The following PTPRD variants were observed in gnomAD, a reference collection of about 807,000 sequenced individuals.
PTPRD encodes receptor-type tyrosine-protein phosphatase delta.
In PTPRD, 34 loss-of-function variants were observed where a neutral mutation model predicts 214.5. The observed-to-expected ratio is 0.16, with a 90% CI of 0.12 to 0.21. The LOEUF (loss-of-function observed/expected upper bound fraction) is 0.21. PTPRD is among the 10% of genes least tolerant of loss of function. The pLI, the probability that PTPRD is intolerant of heterozygous loss-of-function variation, is 1.00. For missense variants in PTPRD, 2,545 were observed against 2,398.7 expected, an observed-to-expected ratio of 1.06 and a Z score of -1.27; for synonymous variants, 1,128 against 845.7, an observed-to-expected ratio of 1.33 and a Z score of -5.79.
intron 5 of PTPRD, among the ~76,000 whole-genome samples, chr9:9,837,181 G>C (rs1285353635): frequency 6.6e-6 from 1 of 152,042 alleles, no homozygotes; most frequent in African/African-American, 2.4e-5. Flanking sequence ...TTTCAATGTA[G>C]CTCCCAGTTT....
chr9:9,135,315 T>G (rs2099849166), intron 10 of PTPRD, among the ~76,000 whole-genome samples: 1 of 152,226 alleles, frequency 6.6e-6, no homozygotes, highest in African/African-American at 2.4e-5. Context: ...TCTCTTGATT[T>G]ATCACTTCCT....
chr9:9,481,307 T>C (rs1193501408), intron 8 of PTPRD, among the ~76,000 whole-genome samples: 1 of 152,200 alleles, frequency 6.6e-6, no homozygotes, highest in African/African-American at 2.4e-5. Flanking sequence ...CTCACAATCA[T>C]CACTGTGTTT....
chr9:9,755,887 A>G (rs1408723983), intron 6 of PTPRD, among the ~76,000 whole-genome samples: 1 of 152,032 alleles, frequency 6.6e-6, no homozygotes, highest in East Asian at 1.9e-4. Flanking sequence ...ATATAATTTT[A>G]TATTTTAAAA....
intron 5 of PTPRD, among the ~76,000 whole-genome samples, chr9:9,800,044 T>TA (rs765494368): frequency 4.5e-4 from 69 of 152,226 alleles, no homozygotes; most frequent in Non-Finnish European, 7.4e-4. Flanking sequence ...AAAGAAAAAA[T>TA]AATAATAAAA....
At chr9:9,776,338 C>T (rs1231322673) in intron 5 of PTPRD, among the ~76,000 whole-genome samples, 2 of 152,104 alleles carry the variant, frequency 1.3e-5, no homozygotes, top group East Asian at 3.9e-4. Flanking sequence ...GTTGTATGTT[C>T]CTAATTCCTC....
intron 11 of PTPRD, among the ~76,000 whole-genome samples, chr9:8,799,300 T>C (rs1259853206): frequency 6.6e-6 from 1 of 152,132 alleles, no homozygotes; most frequent in Admixed American, 6.6e-5. Flanking sequence ...TGCTAGAAAG[T>C]GTTTCAGTTT....
intron 11 of PTPRD, among the ~76,000 whole-genome samples, chr9:8,908,736 G>A (rs1281295274): frequency 1.3e-5 from 2 of 151,420 alleles, no homozygotes; most frequent in East Asian, 3.9e-4. Context: ...AAAGTAAATT[G>A]TAAAGATCAG....
intron 2 of PTPRD, among the ~76,000 whole-genome samples, chr9:10,396,351 C>T (rs544991441): frequency 3.3e-5 from 5 of 152,028 alleles, no homozygotes; most frequent in East Asian, 2.0e-4. Flanking sequence ...AGGTAGCCTG[C>T]GGGAGCTGGC....
At chr9:8,421,976 C>T (rs1458733267) in intron 35 of PTPRD, among the ~76,000 whole-genome samples, 10 of 151,146 alleles carry the variant, frequency 6.6e-5, no homozygotes, top group African/African-American at 2.2e-4. Flanking sequence ...GGCGAAACCT[C>T]ATCTCTACAA....
chr9:8,441,001 A>T (rs2095528900), intron 34 of PTPRD, among the ~76,000 whole-genome samples: 1 of 152,100 alleles, frequency 6.6e-6, no homozygotes, highest in Non-Finnish European at 1.5e-5. Context: ...CTATTCCGAG[A>T]ACGGCATTTG....
chr9:10,238,605 T>C (rs2099636831), intron 3 of PTPRD, among the ~76,000 whole-genome samples: 1 of 151,938 alleles, frequency 6.6e-6, no homozygotes, highest in Admixed American at 6.6e-5. Flanking sequence ...TTTCCTTAAA[T>C]GTATACAATT....
chr9:9,422,628 G>A (rs2079231318), intron 8 of PTPRD, among the ~76,000 whole-genome samples: 1 of 152,106 alleles, frequency 6.6e-6, no homozygotes, highest in African/African-American at 2.4e-5. Flanking sequence ...AGACAGTGAT[G>A]TCAGATAGAC....
chr9:9,550,511 ATATTATGTATAG>A (rs1305920661), intron 8 of PTPRD, among the ~76,000 whole-genome samples: 2 of 148,552 alleles, frequency 1.3e-5, no homozygotes, highest in Admixed American at 6.8e-5. Flanking sequence ...GTAGGACAAT[ATATTATGTATAG>A]TATTATGTAT....
chr9:9,563,753 G>A (rs961058730), intron 8 of PTPRD, among the ~76,000 whole-genome samples: 1 of 152,116 alleles, frequency 6.6e-6, no homozygotes, highest in African/African-American at 2.4e-5. Context: ...GTTTGAAAGA[G>A]ATCATTAATA....
At chr9:8,441,683 A>C (rs1336878499) in intron 34 of PTPRD, among the ~76,000 whole-genome samples, 1 of 152,136 alleles carries the variant, frequency 6.6e-6, no homozygotes, top group Admixed American at 6.5e-5. Context: ...GATATAAAGA[A>C]GTATGCTTCT....
intron 5 of PTPRD, among the ~76,000 whole-genome samples, chr9:9,918,965 A>G (rs1338675181): frequency 6.6e-6 from 1 of 152,114 alleles, no homozygotes; most frequent in Non-Finnish European, 1.5e-5. Context: ...CAGATCAATG[A>G]ATGCCATTAT....
chr9:9,815,029 T>C (rs2048333352), intron 5 of PTPRD, among the ~76,000 whole-genome samples: 1 of 152,014 alleles, frequency 6.6e-6, no homozygotes, highest in Non-Finnish European at 1.5e-5. Context: ...CCCAAAGTGT[T>C]CGTAAAGCCT....
chr9:8,341,610 G>A (rs940115171), intron 40 of PTPRD, 83 bp downstream of exon 40: 6 of 1,471,462 alleles, frequency 4.1e-6, no homozygotes, highest in South Asian at 1.3e-5. Flanking sequence ...TCACAAATTT[G>A]AAAGGTTAAA....
chr9:9,006,560 G>A (rs2099469114), intron 11 of PTPRD, among the ~76,000 whole-genome samples: 1 of 151,818 alleles, frequency 6.6e-6, no homozygotes, highest in Non-Finnish European at 1.5e-5. Context: ...ATTCCCATTG[G>A]GCTGCAATTA....
Sources: allele counts gnomAD v4.1 joint callset (sites outside exome capture counted in the v4.1 genomes callset), GRCh38; gene constraint gnomAD v4.1.1; transcripts MANE v1.5; gene names NCBI Gene and HGNC (gene_info 2026-07-23, HGNC 2026-07-21).